Variants in BRCA2 observed in about 807,000 individuals in gnomAD.
The protein encoded by BRCA2 is breast cancer type 2 susceptibility protein.
In BRCA2, 203 loss-of-function variants were observed where a neutral mutation model predicts 276.7. The ratio of observed to expected loss-of-function variants is 0.73; its 90% CI spans 0.65 to 0.82. The LOEUF (loss-of-function observed/expected upper bound fraction) is 0.82, where lower values mean the gene tolerates loss of function less well. Among genes scored for constraint, BRCA2 ranks in the 40% least tolerant of loss-of-function variants. The probability of loss-of-function intolerance (pLI) is 0.00; values close to 1 mark genes in which losing one functional copy is unlikely to be tolerated. For missense variants in BRCA2, 3,920 were observed against 3,915.0 expected (o/e 1.00, Z -0.03); for synonymous variants, 1,289 against 1,338.4 (o/e 0.96, Z 0.81).
intron 24 of BRCA2, among the ~76,000 whole-genome samples, chr13:32,380,762 A>G (rs2072919719): frequency 6.6e-6 from 1 of 151,412 alleles, no homozygotes. Context: ...GGATAGTCTA[A>G]ATCTCCTGAC....
At chr13:32,348,686 T>A (rs896614576) in intron 13 of BRCA2, among the ~76,000 whole-genome samples, 1 of 151,970 alleles carries the variant, frequency 6.6e-6, no homozygotes, top group African/African-American at 2.4e-5. Flanking sequence ...AACAAATGCA[T>A]ACACCAAGAA....
At chr13:32,344,506 A>C in intron 11 of BRCA2, 52 bp from the exon 12 acceptor site, 1 of 1,236,894 alleles carries the variant, frequency 8.1e-7, no homozygotes, top group East Asian at 2.4e-5. Context: ...CTTTTGAGAA[A>C]TAAAACTGAT....
intron 24 of BRCA2, among the ~76,000 whole-genome samples, chr13:32,380,730 C>T (rs930520361): frequency 3.3e-5 from 5 of 151,580 alleles, no homozygotes; most frequent in Admixed American, 6.6e-5. Context: ...TTAGTAGAGT[C>T]GGGGTTTCAC....
chr13:32,397,842 TTATC>T (rs2073046577), intron 26 of BRCA2, among the ~76,000 whole-genome samples: 2 of 152,210 alleles, frequency 1.3e-5, no homozygotes, highest in Non-Finnish European at 2.9e-5. Flanking sequence ...TTTAAAATAT[TTATC>T]TTTGTTTAAT....
rs1017181748 is a variant in BRCA2 at position 32,333,062 on chromosome 13, C to CTTT, written c.1585_1587dup (p.Phe529dup). 6.2e-7 allele frequency: 1 copy of CTTT among 1,610,052 alleles called. No homozygotes were observed. The highest frequency in any genetic ancestry group is 8.5e-7 in the Non-Finnish European group (1 of 1,179,182). The stretch of plus-strand genomic sequence containing the variant: ...TTTCAGGTCATATGACTGATCCAAA[C>CTTT]TTTAAAAAAGAAACTGAAGCCTCTG... On this transcript the variant is annotated inframe_insertion, in exon 10 of 27. Transcript: ENST00000380152.
At chr13:32,350,671 T>C (rs2072642518) in intron 13 of BRCA2, among the ~76,000 whole-genome samples, 1 of 151,818 alleles carries the variant, frequency 6.6e-6, no homozygotes, top group South Asian at 2.1e-4. Flanking sequence ...GAGAATGGCA[T>C]CAACCCAGGA....
At chr13:32,385,278 A>T (rs1446667050) in intron 24 of BRCA2, 1 of 201,188 alleles carries the variant, frequency 5.0e-6, no homozygotes, top group Non-Finnish European at 1.1e-5. Flanking sequence ...TGCCTACCCT[A>T]AGGCAGGCTG....
chr13:32,380,208 C>G (rs1593938356), intron 24 of BRCA2, 63 bp downstream of exon 24: 1 of 1,523,342 alleles, frequency 6.6e-7, no homozygotes, highest in Non-Finnish European at 8.9e-7. Context: ...CTTTTAAAAT[C>G]TCTTATGATT....
chr13:32,350,294 G>GT lies in BRCA2; in HGVS notation c.7007+3405dup, dbSNP rs557401423. The stretch of plus-strand genomic sequence containing the variant: ...ACATTATTCAAGGAGAAGAAAAAAT[G>GT]TTTTTTTAAAAACTATAATTTGTGA... On this transcript the variant is annotated intron_variant, in intron 13 of 26. Coordinates refer to ENST00000380152, the MANE Select transcript of BRCA2 (RefSeq NM_000059.4). Among the ~76,000 whole-genome samples, 1,091 of 152,120 alleles carry GT rather than the reference G, an allele frequency of 7.2e-3. 11 individuals are homozygous for GT. Among genetic ancestry groups the GT allele is most frequent in the African/African-American group, 0.024 (1,015 of 41,518 alleles).
rs80358744 is a variant in BRCA2, at chr13:32,339,537, G to A, written c.5182G>A (p.Asp1728Asn). The change falls in exon 11 of 27, where the codon GAC (aspartate) becomes AAC (asparagine). Residue 1728 changes from aspartate to asparagine, a missense_variant. Coordinates refer to ENST00000380152, the MANE Select transcript of BRCA2 (RefSeq NM_000059.4). ...TTCAAACAGTACTATAGCTGAAAAT[G>A]ACAAAAATCATCTCTCCGAAAAACA... ...NNSNSTIAEN[D>N]KNHLSEKQDT... 9.3e-6 allele frequency: 15 copies of A among 1,604,408 alleles called. No homozygotes were observed. The East Asian group carries it at 3.3e-4, about 36-fold the overall frequency.
rs397507375 is a variant in BRCA2 at position 32,341,077 on chromosome 13, CAG to C, written c.6724_6725del (p.Asp2242PhefsTer2). The C allele has an allele frequency of 6.2e-7, 1 of 1,613,946 alleles. No homozygotes were observed. The highest frequency in any genetic ancestry group is 1.7e-5 in the Admixed American group (1 of 60,018). On this transcript the variant is annotated frameshift_variant, in exon 11 of 27. Coordinates refer to ENST00000380152, the MANE Select transcript of BRCA2 (RefSeq NM_000059.4). LOFTEE classifies it high-confidence loss of function. Reference sequence around the variant, plus strand: ...GCTTTTATGGAAGATGATGAACTGACAGATTCTAAACTGCCAAGTCATGCCAC... The same window carrying C: ...GCTTTTATGGAAGATGATGAACTGACATTCTAAACTGCCAAGTCATGCCAC...
At position 32,338,188 on chromosome 13, in the gene BRCA2, A is replaced by G. The variant is rs1566229217; in HGVS notation, c.3833A>G (p.His1278Arg). 6.4e-7 allele frequency: 1 copy of G among 1,565,230 alleles called. No homozygotes were observed. The highest frequency in any genetic ancestry group is 2.3e-5 in the East Asian group (1 of 44,382). The change falls in exon 11 of 27, where the codon CAT becomes CGT. Residue 1278 changes from histidine (H) to arginine (R), a missense_variant. By Grantham distance (29) the His-to-Arg change is conservative. Transcript: ENST00000380152. ...SVVSMFKIEN[H>R]NDKTVSEKNN... ...GTTTCAATGTTTAAGATAGAAAATC[A>G]TAATGATAAAACTGTAAGTGAAAAA...
At chr13:32,328,867 A>T (rs531641779) in intron 7 of BRCA2, among the ~76,000 whole-genome samples, 1 of 150,232 alleles carries the variant, frequency 6.7e-6, no homozygotes, top group African/African-American at 2.4e-5. Context: ...GTGTGTGTGC[A>T]GTCATAAAGT....
rs1555283847 is a variant in BRCA2 at position 32,338,915 on chromosome 13, T to A, written c.4560T>A (p.Thr1520=). 6.2e-7 allele frequency: 1 copy of A among 1,613,848 alleles called. No individual in the cohort carries two copies. Among genetic ancestry groups the A allele is most frequent in the Admixed American group, 1.7e-5 (1 of 59,988 alleles). Residue 1520 remains threonine (T), a synonymous_variant, in exon 11 of 27, where the codon ACT becomes ACA. Coordinates refer to ENST00000380152, the MANE Select transcript of BRCA2 (RefSeq NM_000059.4). ...GTGATGAAAAGATCAAAGAACCTAC[T>A]CTATTGGGTTTTCATACAGCTAGCG... ...PERDEKIKEP[T]LLGFHTASGK...
intron 24 of BRCA2, among the ~76,000 whole-genome samples, chr13:32,380,554 T>TCC (rs71071034): frequency 6.8e-6 from 1 of 146,722 alleles, no homozygotes; most frequent in South Asian, 2.3e-4. Context: ...TTTTTTTTTT[T>TCC]CCCCGAGATG....
At chr13:32,360,693 G>C (rs944910093) in intron 16 of BRCA2, among the ~76,000 whole-genome samples, 41 of 152,284 alleles carry the variant, frequency 2.7e-4, no homozygotes, top group African/African-American at 9.9e-4. Flanking sequence ...AATTCTGGCT[G>C]TTTGTTGAGG....
rs74922783 is a variant in BRCA2 at position 32,320,271 on chromosome 13, A to G, written c.316+946A>G. Among the ~76,000 whole-genome samples, 43 of 152,308 alleles carry G rather than the reference A, an allele frequency of 2.8e-4. No homozygotes were observed. The East Asian group carries it at 7.3e-3, about 26-fold the overall frequency. On this transcript the variant is annotated intron_variant, in intron 3 of 26. Transcript: ENST00000380152. ...ACATGCAAATTTCATCATGCTACTT[A>G]TTGTGTCAAACCTTAGATCACCTCC...
intron 8 of BRCA2, among the ~76,000 whole-genome samples, chr13:32,330,236 T>C (rs1429631951): frequency 1.3e-5 from 2 of 152,228 alleles, no homozygotes; most frequent in African/African-American, 4.8e-5. Flanking sequence ...TGTAATACCT[T>C]TTCTACTTCT....
rs1593923907 is a variant in BRCA2 at position 32,362,535 on chromosome 13, C to T, written c.7818C>T (p.Asp2606=). The change falls in exon 17 of 27, where the codon GAC becomes GAT. Residue 2606 remains aspartate (D), a synonymous_variant. Coordinates refer to ENST00000380152, the MANE Select transcript of BRCA2 (RefSeq NM_000059.4). ...TTTATTTGTTCAGGGCTCTGTGTGA[C>T]ACTCCAGGTGTGGATCCAAAGCTTA... ...GKEEFYRALC[D]TPGVDPKLIS... is the part of the protein sequence containing the mutation. 6.2e-7 allele frequency: 1 copy of T among 1,613,790 alleles called. No individual in the cohort carries two copies.
Sources: gnomAD v4.1 joint callset for allele counts (sites outside exome capture counted in the v4.1 genomes callset) on GRCh38, gnomAD v4.1.1 for gene constraint, MANE v1.5 for transcripts, NCBI Gene and HGNC (gene_info 2026-07-23, HGNC 2026-07-21) for gene names.